The following AFG1L variants were observed in gnomAD, a reference collection of about 807,000 sequenced individuals.
AFG1L encodes AFG1 like ATPase.
A neutral mutation model predicts 62.2 loss-of-function variants in AFG1L; 53 were observed. The ratio of observed to expected loss-of-function variants is 0.85; its 90% confidence interval spans 0.68 to 1.07. AFG1L has a LOEUF of 1.07. AFG1L is among the 50% of genes least tolerant of loss of function. The pLI, the probability that AFG1L is intolerant of heterozygous loss-of-function variation, is 0.00. For synonymous variants in AFG1L, 228 were observed against 210.3 expected (o/e 1.08, Z -0.73); for missense variants, 555 against 590.5 (o/e 0.94, Z 0.62).
At chr6:108,417,927 G>A (rs1017168668) in intron 7 of AFG1L, among the ~76,000 whole-genome samples, 3 of 152,102 alleles carry the variant, frequency 2.0e-5, no homozygotes, top group Middle Eastern at 3.4e-3. Context: ...TCCACCTCCC[G>A]GGTTCACGCC....
intron 7 of AFG1L, among the ~76,000 whole-genome samples, chr6:108,404,513 T>A (rs1781766416): frequency 6.6e-6 from 1 of 152,044 alleles, no homozygotes; most frequent in Non-Finnish European, 1.5e-5. Flanking sequence ...GTGAGTACTC[T>A]TCGGTTGTTT....
In AFG1L at chr6:108,525,163, G is replaced by A. The variant is rs1775278846; in HGVS notation, c.*2738G>A. 6.6e-6 allele frequency: 1 copy of A among 152,122 alleles called. No homozygotes were observed. 9.4% of individuals were successfully genotyped at this position (152,122 alleles called of 1,614,324 possible). On this transcript the variant is annotated 3_prime_UTR_variant, in exon 13 of 13. Coordinates refer to ENST00000368977, the MANE Select transcript of AFG1L (RefSeq NM_145315.5). ...TCAGGAGAAAACATCATGTGCCAAG[G>A]GTGCTCTCCAAACTGATGACTAGTT...
intron 7 of AFG1L, among the ~76,000 whole-genome samples, chr6:108,440,356 A>G (rs1205754485): frequency 6.6e-6 from 1 of 151,572 alleles, no homozygotes; most frequent in East Asian, 2.0e-4. Context: ...TTTAGTAGAG[A>G]TGGGGTTTCA....
intron 7 of AFG1L, among the ~76,000 whole-genome samples, chr6:108,416,706 T>C (rs945646972): frequency 2.0e-5 from 3 of 151,992 alleles, no homozygotes; most frequent in Admixed American, 6.6e-5. Context: ...TTCTCACTCA[T>C]AGGTGGGAAT....
In AFG1L at chr6:108,331,023, C is replaced by T. The variant is rs191260763; in HGVS notation, c.363+6975C>T. ...TCATTATAGGCTGGGTGTGGTGGCT[C>T]ATGCCTGTAATTCCGGCATTTTGAG... On this transcript the variant is annotated intron_variant, in intron 2 of 12. Coordinates refer to ENST00000368977, the MANE Select transcript of AFG1L (RefSeq NM_145315.5). Among the ~76,000 whole-genome samples the T allele has an allele frequency of 1.3e-3, 201 of 152,212 alleles. 1 individual carries two copies. The highest frequency in any genetic ancestry group is 4.4e-3 in the African/African-American group (184 of 41,530).
chr6:108,316,709 T>C (rs955721349), intron 1 of AFG1L, among the ~76,000 whole-genome samples: 2 of 151,910 alleles, frequency 1.3e-5, no homozygotes, highest in African/African-American at 4.8e-5. Flanking sequence ...ATTTTTTGTA[T>C]TTTTAGTAGA....
chr6:108,447,158 T>A, intron 7 of AFG1L, 56 bp from the exon 8 acceptor site: 2 of 880,188 alleles, frequency 2.3e-6, no homozygotes. Flanking sequence ...AAGGGAAGGA[T>A]TGTAATTCTG....
intron 11 of AFG1L, among the ~76,000 whole-genome samples, chr6:108,517,741 T>C (rs1363804096): frequency 6.6e-6 from 1 of 152,144 alleles, no homozygotes; most frequent in African/African-American, 2.4e-5. Context: ...AGAAAAATTT[T>C]GCAATCTACT....
At chr6:108,308,791 C>T (rs1422617016) in intron 1 of AFG1L, among the ~76,000 whole-genome samples, 5 of 152,074 alleles carry the variant, frequency 3.3e-5, no homozygotes, top group African/African-American at 9.7e-5. Context: ...GCAGCCTCTC[C>T]ACCTCCCAGG....
chr6:108,433,268 A>G (rs1165556998), intron 7 of AFG1L, among the ~76,000 whole-genome samples: 2 of 130,300 alleles, frequency 1.5e-5, no homozygotes, highest in Non-Finnish European at 3.5e-5. Flanking sequence ...TAACTTTATT[A>G]TTGTTATTAT....
chr6:108,378,034 T>C, intron 6 of AFG1L, among the ~76,000 whole-genome samples: 1 of 140,268 alleles, frequency 7.1e-6, no homozygotes, highest in Non-Finnish European at 1.6e-5. Context: ...AAAATTCTTC[T>C]TTTTTTTTTT....
chr6:108,473,610 T>C (rs1358046968), intron 8 of AFG1L, among the ~76,000 whole-genome samples: 8 of 152,164 alleles, frequency 5.3e-5, no homozygotes, highest in Non-Finnish European at 1.2e-4. Context: ...CAAGCTGGAG[T>C]GCAATGGCAC....
intron 7 of AFG1L, among the ~76,000 whole-genome samples, chr6:108,411,543 C>G (rs1374142932): frequency 1.3e-5 from 2 of 152,164 alleles, no homozygotes; most frequent in East Asian, 3.9e-4. Context: ...GCTGGGTGCC[C>G]CTCTGAGACG....
chr6:108,450,776 A>G (rs916810416), intron 8 of AFG1L, among the ~76,000 whole-genome samples: 2 of 152,086 alleles, frequency 1.3e-5, no homozygotes, highest in Non-Finnish European at 2.9e-5. Context: ...TAATTGTTGT[A>G]TAAGGTGTAA....
intron 2 of AFG1L, among the ~76,000 whole-genome samples, chr6:108,346,075 C>T (rs1014408151): frequency 6.6e-6 from 1 of 152,144 alleles, no homozygotes. Flanking sequence ...TGACTGTGAA[C>T]CCCTCGCTGT....
chr6:108,425,983 TGAAA>T (rs1770798683), intron 7 of AFG1L, among the ~76,000 whole-genome samples: 1 of 152,088 alleles, frequency 6.6e-6, no homozygotes, highest in Non-Finnish European at 1.5e-5. Flanking sequence ...TAATAAGCAG[TGAAA>T]TGACAAAAAG....
intron 6 of AFG1L, chr6:108,387,446 G>A (rs1780815507): frequency 6.6e-6 from 1 of 152,284 alleles, no homozygotes; most frequent in South Asian, 2.1e-4. Context: ...GGATGTTTGT[G>A]CAGGGCTCAG....
intron 8 of AFG1L, among the ~76,000 whole-genome samples, chr6:108,472,930 G>A (rs1348639457): frequency 1.3e-5 from 2 of 151,714 alleles, no homozygotes; most frequent in East Asian, 3.9e-4. Context: ...AGCCTCCTGA[G>A]TAGCTGGGAT....
At chr6:108,401,898 T>G (rs1781634829) in intron 6 of AFG1L, 98 bp from the exon 7 acceptor site, 2 of 586,790 alleles carry the variant, frequency 3.4e-6, no homozygotes, top group Non-Finnish European at 3.0e-6. Context: ...CTTTATCTTT[T>G]TTTTTAATCA....
Sources: allele counts gnomAD v4.1 joint callset (sites outside exome capture counted in the v4.1 genomes callset), GRCh38; gene constraint gnomAD v4.1.1; transcripts MANE v1.5; gene names NCBI Gene and HGNC (gene_info 2026-07-23, HGNC 2026-07-21).